The following DPH6 variants were observed in gnomAD, a reference collection of about 807,000 sequenced individuals.
DPH6 encodes the protein diphthine--ammonia ligase.
DPH6 carries 33 observed loss-of-function variants against 38.2 expected under a neutral mutation model. The observed-to-expected ratio is 0.86, with a 90% CI of 0.65 to 1.15. DPH6 has a LOEUF of 1.15. DPH6 is among the 50% of genes most tolerant of loss of function. The probability of loss-of-function intolerance (pLI) is 0.00; values close to 1 mark genes in which losing one functional copy is unlikely to be tolerated. For missense variants in DPH6, 325 were observed against 320.0 expected, an observed-to-expected ratio of 1.02 and a Z score of -0.12; for synonymous variants, 108 against 103.0, an observed-to-expected ratio of 1.05 and a Z score of -0.30.
chr15:35,437,175 C>T (rs539941897), intron 5 of DPH6, among the ~76,000 whole-genome samples: 4 of 152,214 alleles, frequency 2.6e-5, no homozygotes, highest in African/African-American at 9.6e-5. Flanking sequence ...CACATATCCA[C>T]GGTATTCACT....
At chr15:35,318,633 A>T (rs868648620) in intron 3 of DPH6, among the ~76,000 whole-genome samples, 1 of 152,166 alleles carries the variant, frequency 6.6e-6, no homozygotes, top group South Asian at 2.1e-4. Context: ...CTATTTAATT[A>T]AGCTAGAAAT....
chr15:35,341,443 G>A (rs966284956), intron 3 of DPH6, among the ~76,000 whole-genome samples: 1 of 152,154 alleles, frequency 6.6e-6, no homozygotes, highest in Non-Finnish European at 1.5e-5. Flanking sequence ...TGGAGAAGAG[G>A]TCCTCTGGCA....
rs191096687 is a variant in DPH6 at position 35,238,734 on chromosome 15, C to T, written n.201-18152G>A. Among the ~76,000 whole-genome samples the T allele has an allele frequency of 2.5e-3, 380 of 152,212 alleles. 1 individual carries two copies. The highest frequency in any genetic ancestry group is 5.2e-3 in the East Asian group (27 of 5,172). The stretch of plus-strand genomic sequence containing the variant: ...AAGAATCACAAAAGAAGTGAAAAGG[C>T]CCTGCCCCGCCTTAACTGATGACAT... On this transcript the variant is annotated intron_variant and non_coding_transcript_variant, in intron 3 of 3. Transcript: ENST00000560386.
At chr15:35,168,773 T>A in the DPH6 span, among the ~76,000 whole-genome samples, 1 of 152,164 alleles carries the variant, frequency 6.6e-6, no homozygotes, top group Admixed American at 6.6e-5. Flanking sequence ...AAATACATTT[T>A]ACTAGGCTGA....
chr15:35,507,419 T>C (rs905988851), intron 3 of DPH6, among the ~76,000 whole-genome samples: 2 of 152,062 alleles, frequency 1.3e-5, no homozygotes, highest in Non-Finnish European at 2.9e-5. Context: ...ATAGTTGTGA[T>C]TAGTCAGATA....
chr15:35,341,835 C>G (rs1458786598), intron 3 of DPH6, among the ~76,000 whole-genome samples: 1 of 152,184 alleles, frequency 6.6e-6, no homozygotes, highest in Non-Finnish European at 1.5e-5. Context: ...CTCACCCAGT[C>G]AGTAGGAACA....
At chr15:35,428,651 C>G (rs928170097) in intron 5 of DPH6, among the ~76,000 whole-genome samples, 1 of 152,156 alleles carries the variant, frequency 6.6e-6, no homozygotes, top group Non-Finnish European at 1.5e-5. Flanking sequence ...ATAACTTCCA[C>G]TTGCTCTTTG....
intron 1 of DPH6, 81 bp downstream of exon 1, chr15:35,546,038 C>A: frequency 8.2e-7 from 1 of 1,226,928 alleles, no homozygotes; most frequent in Non-Finnish European, 1.1e-6. Context: ...ACGGAGACAC[C>A]CACTCTTTCG....
chr15:35,336,226 G>C (rs2140870235), intron 3 of DPH6, among the ~76,000 whole-genome samples: 1 of 152,084 alleles, frequency 6.6e-6, no homozygotes, highest in African/African-American at 2.4e-5. Flanking sequence ...CACACTGCTA[G>C]ATTGGGGAAG....
chr15:35,402,509 A>G (rs917879112), intron 6 of DPH6, among the ~76,000 whole-genome samples: 3 of 152,180 alleles, frequency 2.0e-5, no homozygotes, highest in African/African-American at 7.2e-5. Flanking sequence ...ACTATTAATA[A>G]ACAAGGAAGC....
At chr15:35,281,244 T>C (rs1056346478) in intron 3 of DPH6, among the ~76,000 whole-genome samples, 2 of 152,320 alleles carry the variant, frequency 1.3e-5, no homozygotes, top group African/African-American at 4.8e-5. Flanking sequence ...CAAACTCTTA[T>C]TTTTAGGAGA....
the DPH6 span, among the ~76,000 whole-genome samples, chr15:35,188,684 T>TA: frequency 6.6e-6 from 1 of 152,174 alleles, no homozygotes; most frequent in Non-Finnish European, 1.5e-5. Context: ...TGCAGACCTG[T>TA]ATGGATCCAC....
intron 3 of DPH6, among the ~76,000 whole-genome samples, chr15:35,227,174 CTTTTT>C (rs71415001): frequency 3.6e-3 from 276 of 77,014 alleles, no homozygotes; most frequent in Non-Finnish European, 5.9e-3. Context: ...ATAACATCTT[CTTTTT>C]TTTTTTTTTT....
At chr15:35,233,871 T>C (rs2051534853) in intron 3 of DPH6, among the ~76,000 whole-genome samples, 1 of 152,228 alleles carries the variant, frequency 6.6e-6, no homozygotes, top group Non-Finnish European at 1.5e-5. Context: ...GGCTGGCTTC[T>C]TGTCAATCAA....
At chr15:35,463,679 A>G (rs1297288273) in intron 3 of DPH6, among the ~76,000 whole-genome samples, 1 of 152,186 alleles carries the variant, frequency 6.6e-6, no homozygotes, top group African/African-American at 2.4e-5. Context: ...ATTTTTGAGT[A>G]GTATTTCATT....
chr15:35,248,601 C>T (rs1193369658), intron 3 of DPH6, among the ~76,000 whole-genome samples: 1 of 152,204 alleles, frequency 6.6e-6, no homozygotes, highest in African/African-American at 2.4e-5. Context: ...AATCAGACTG[C>T]TTTCCCTCTA....
At chr15:35,477,797 A>C (rs2054280060) in intron 3 of DPH6, among the ~76,000 whole-genome samples, 1 of 151,886 alleles carries the variant, frequency 6.6e-6, no homozygotes, top group Non-Finnish European at 1.5e-5. Context: ...GTTCAGCAAA[A>C]AGAAAATTAG....
chr15:35,469,131 A>G (rs1372580243), intron 3 of DPH6, among the ~76,000 whole-genome samples: 1 of 152,082 alleles, frequency 6.6e-6, no homozygotes, highest in Non-Finnish European at 1.5e-5. Flanking sequence ...CACAGCATGA[A>G]CAGCATTATG....
intron 3 of DPH6, among the ~76,000 whole-genome samples, chr15:35,250,027 G>A (rs1298750564): frequency 4.6e-5 from 7 of 151,496 alleles, no homozygotes; most frequent in East Asian, 3.9e-4. Context: ...TTAGCCGGGC[G>A]TGGTGGGCTA....
Sources: gnomAD v4.1 joint callset for allele counts (sites outside exome capture counted in the v4.1 genomes callset) on GRCh38, gnomAD v4.1.1 for gene constraint, MANE v1.5 for transcripts, NCBI Gene and HGNC (gene_info 2026-07-23, HGNC 2026-07-21) for gene names.